The following CTNNA3 variants were observed in gnomAD, a reference collection of about 807,000 sequenced individuals.
The protein encoded by CTNNA3 is catenin alpha 3, also known as catenin alpha-3.
Under a neutral mutation model 95.7 loss-of-function variants are expected in CTNNA3, and 76 were observed. The ratio of observed to expected loss-of-function variants is 0.79; its 90% CI spans 0.66 to 0.96. The LOEUF (loss-of-function observed/expected upper bound fraction) is 0.96. CTNNA3 is among the 40% of genes least tolerant of loss of function. The pLI, the probability that CTNNA3 is intolerant of heterozygous loss-of-function variation, is 0.00. For missense variants in CTNNA3, 1,191 were observed against 1,089.8 expected (o/e 1.09, Z -1.31); for synonymous variants, 431 against 374.4 (o/e 1.15, Z -1.74).
chr10:67,115,777 G>T (rs937368874), intron 7 of CTNNA3, among the ~76,000 whole-genome samples: 1 of 151,842 alleles, frequency 6.6e-6, no homozygotes, highest in African/African-American at 2.4e-5. Flanking sequence ...TGGGTCTTCA[G>T]ATCCTACAAG....
chr10:65,943,679 T>A (rs2077464962), intron 17 of CTNNA3, among the ~76,000 whole-genome samples: 1 of 152,206 alleles, frequency 6.6e-6, no homozygotes, highest in African/African-American at 2.4e-5. Context: ...TTCAATTTCA[T>A]CTTTAGGGCA....
chr10:67,265,968 T>C (rs1314114096), intron 5 of CTNNA3, among the ~76,000 whole-genome samples: 1 of 152,168 alleles, frequency 6.6e-6, no homozygotes, highest in African/African-American at 2.4e-5. Context: ...GAAACAGATC[T>C]GCAAATCAGC....
At chr10:66,864,468 A>T (rs965736518) in intron 7 of CTNNA3, among the ~76,000 whole-genome samples, 2 of 152,168 alleles carry the variant, frequency 1.3e-5, no homozygotes, top group African/African-American at 4.8e-5. Flanking sequence ...CAGAACTATC[A>T]GAAGTAAATT....
At chr10:66,748,760 C>T (rs918003819) in intron 9 of CTNNA3, among the ~76,000 whole-genome samples, 4 of 152,018 alleles carry the variant, frequency 2.6e-5, no homozygotes, top group Non-Finnish European at 5.9e-5. Flanking sequence ...CCATACACCC[C>T]TGTCCTCACA....
chr10:66,246,022 C>T (rs1245605057), intron 13 of CTNNA3, among the ~76,000 whole-genome samples: 3 of 152,216 alleles, frequency 2.0e-5, no homozygotes, highest in East Asian at 3.9e-4. Context: ...GTCTGTGGGA[C>T]TGGCAGCCCA....
intron 15 of CTNNA3, among the ~76,000 whole-genome samples, chr10:65,996,180 C>T (rs1416659295): frequency 6.6e-6 from 1 of 152,152 alleles, no homozygotes; most frequent in Non-Finnish European, 1.5e-5. Flanking sequence ...GAAGCAGCAG[C>T]CATGGGGAGA....
intron 5 of CTNNA3, among the ~76,000 whole-genome samples, chr10:67,225,639 C>T (rs1042016136): frequency 3.9e-5 from 6 of 152,070 alleles, no homozygotes; most frequent in African/African-American, 1.4e-4. Flanking sequence ...CATTGCAGTT[C>T]GGCTCACAGG....
intron 9 of CTNNA3, among the ~76,000 whole-genome samples, chr10:66,673,452 T>C (rs1010652706): frequency 6.6e-6 from 1 of 152,086 alleles, no homozygotes. Context: ...AGAAATCGTC[T>C]ACATTACAAC....
At chr10:66,285,539 T>C (rs2091570630) in intron 12 of CTNNA3, among the ~76,000 whole-genome samples, 1 of 151,924 alleles carries the variant, frequency 6.6e-6, no homozygotes, top group African/African-American at 2.4e-5. Flanking sequence ...CATCATTTTC[T>C]AATTTGTTTA....
At chr10:67,244,134 G>A (rs1865818594) in intron 5 of CTNNA3, among the ~76,000 whole-genome samples, 1 of 152,144 alleles carries the variant, frequency 6.6e-6, no homozygotes, top group Non-Finnish European at 1.5e-5. Flanking sequence ...AGTCTAGAAT[G>A]GAAATGTTTT....
At position 66,185,926 on chromosome 10, in the gene CTNNA3, ACTCT is replaced by A. The variant is rs979699109; in HGVS notation, c.1885-82681_1885-82678del. 1.7e-4 allele frequency among the ~76,000 whole-genome samples: 25 copies of A among 150,990 alleles called. No homozygotes were observed. The East Asian group carries it at 2.1e-3, about 13-fold the overall frequency. On this transcript the variant is annotated intron_variant, in intron 13 of 17. Coordinates refer to ENST00000433211, the MANE Select transcript of CTNNA3 (RefSeq NM_013266.4). ...CACAAACATCTCTCTCTCATCACACACTCTCTCTCTCTATATATATATACACATA... is the reference window on the plus strand; with the variant it reads ...CACAAACATCTCTCTCTCATCACACACTCTCTCTATATATATATACACATA...
intron 12 of CTNNA3, among the ~76,000 whole-genome samples, chr10:66,294,913 A>AGAGAGAGAGAGAGG (rs58983331): frequency 4.0e-5 from 6 of 148,740 alleles, no homozygotes; most frequent in African/African-American, 1.2e-4. Context: ...AGAGAGAGAG[A>AGAGAGAGAGAGAGG]GGGATTTGGT....
At chr10:67,177,028 G>A (rs751654941) in intron 7 of CTNNA3, 1 of 464,236 alleles carries the variant, frequency 2.2e-6, no homozygotes, top group East Asian at 6.3e-5. Flanking sequence ...TAAGTGTGTG[G>A]TAATTTGTTA....
intron 7 of CTNNA3, among the ~76,000 whole-genome samples, chr10:66,878,678 A>T: frequency 6.6e-6 from 1 of 152,020 alleles, no homozygotes; most frequent in South Asian, 2.1e-4. Flanking sequence ...ACAATAAACC[A>T]TCTCTCTCAT....
At chr10:67,400,041 G>T (rs797017747) in intron 5 of CTNNA3, among the ~76,000 whole-genome samples, 15 of 152,066 alleles carry the variant, frequency 9.9e-5, no homozygotes, top group Middle Eastern at 3.4e-3. Context: ...TTAGCATTAG[G>T]TATATCTCCT....
At chr10:66,018,964 G>A (rs2079147378) in intron 15 of CTNNA3, among the ~76,000 whole-genome samples, 1 of 151,258 alleles carries the variant, frequency 6.6e-6, no homozygotes, top group South Asian at 2.1e-4. Context: ...TCAGCTATCT[G>A]AAACCAGTTA....
intron 6 of CTNNA3, among the ~76,000 whole-genome samples, chr10:67,205,335 T>A (rs1472730856): frequency 6.6e-6 from 1 of 152,170 alleles, no homozygotes; most frequent in East Asian, 1.9e-4. Flanking sequence ...CTGCTATTCA[T>A]CCTTAATGGT....
At chr10:65,989,042 G>A (rs1011944640) in intron 15 of CTNNA3, among the ~76,000 whole-genome samples, 4 of 152,128 alleles carry the variant, frequency 2.6e-5, no homozygotes, top group African/African-American at 9.7e-5. Context: ...TCGGGTTCAA[G>A]CGATTCTCCA....
At chr10:66,829,127 G>GA (rs1372298074) in intron 7 of CTNNA3, among the ~76,000 whole-genome samples, 1 of 152,146 alleles carries the variant, frequency 6.6e-6, no homozygotes, top group African/African-American at 2.4e-5. Context: ...TCAATAGCTA[G>GA]AAAAAATGTC....
Sources: allele counts gnomAD v4.1 joint callset (sites outside exome capture counted in the v4.1 genomes callset), GRCh38; gene constraint gnomAD v4.1.1; transcripts MANE v1.5; gene names NCBI Gene and HGNC (gene_info 2026-07-23, HGNC 2026-07-21).